The following COL9A1 variants were observed in gnomAD, a reference collection of about 807,000 sequenced individuals.
The protein encoded by COL9A1 is collagen alpha-1(IX) chain.
COL9A1 carries 104 observed loss-of-function variants against 142.6 expected under a neutral mutation model. The observed-to-expected ratio is 0.73, with a 90% CI of 0.62 to 0.86. COL9A1 has a LOEUF of 0.86. Among genes scored for constraint, COL9A1 ranks in the 40% least tolerant of loss-of-function variants. The pLI, the probability that COL9A1 is intolerant of heterozygous loss-of-function variation, is 0.00. For missense variants in COL9A1, 1,210 were observed against 1,176.6 expected (o/e 1.03, Z -0.42); for synonymous variants, 466 against 396.0 (o/e 1.18, Z -2.10).
chr6:70,282,754 G>T (rs1370770110), intron 7 of COL9A1, 144 bp downstream of exon 7: 5 of 1,246,826 alleles, frequency 4.0e-6, no homozygotes, highest in Non-Finnish European at 5.7e-6. Context: ...TAGGACTCGC[G>T]GCAGGTGCTC....
At chr6:70,225,882 C>T (rs755509700) in intron 37 of COL9A1, 50 bp downstream of exon 37, 2 of 1,369,438 alleles carry the variant, frequency 1.5e-6, no homozygotes, top group Admixed American at 1.7e-5. Context: ...AGGCTGTGTA[C>T]TTGCTACCAA....
chr6:70,278,777 C>T (rs1351241568), intron 10 of COL9A1, among the ~76,000 whole-genome samples: 7 of 152,160 alleles, frequency 4.6e-5, no homozygotes, highest in Non-Finnish European at 1.0e-4. Context: ...AAATTGCTTT[C>T]TATGTTGTAC....
At chr6:70,251,278 C>CTCATGT (rs1770923874) in intron 28 of COL9A1, among the ~76,000 whole-genome samples, 1 of 152,166 alleles carries the variant, frequency 6.6e-6, no homozygotes, top group African/African-American at 2.4e-5. Context: ...GGCATGGTAG[C>CTCATGT]TCATGTCTGT....
At chr6:70,298,158 G>A (rs1374517781) in intron 4 of COL9A1, among the ~76,000 whole-genome samples, 1 of 152,162 alleles carries the variant, frequency 6.6e-6, no homozygotes, top group Non-Finnish European at 1.5e-5. Context: ...ATCCTCTAAG[G>A]AGAAAAGACT....
chr6:70,234,959 C>T lies in COL9A1; in HGVS notation c.2113-19G>A, dbSNP rs187218937. 1.7e-4 allele frequency: 270 copies of T among 1,614,086 alleles called. No homozygotes were observed. The African/African-American group carries it at 2.7e-3, about 16-fold the overall frequency. The stretch of plus-strand genomic sequence containing the variant: ...TACCTGCCTGGAACACAATTGCACA[C>T]TATCAAACCAGGGCTAAGCATAAAG... On this transcript the variant is annotated intron_variant, in intron 33 of 37. Coordinates refer to ENST00000357250, the MANE Select transcript of COL9A1 (RefSeq NM_001851.6).
chr6:70,267,327 G>GGTTTTTTTTTT (rs757813161), intron 17 of COL9A1, among the ~76,000 whole-genome samples: 2,788 of 126,806 alleles, frequency 0.022, 175 homozygotes, highest in African/African-American at 0.077. Context: ...TGGTTTTTTT[G>GGTTTTTTTTTT]TTTTTTTTTT....
intron 17 of COL9A1, 30 bp from the exon 18 acceptor site, chr6:70,266,800 G>A: frequency 1.9e-6 from 3 of 1,587,900 alleles, no homozygotes; most frequent in Non-Finnish European, 1.7e-6. Flanking sequence ...TAATTGTCTT[G>A]AGTTTGGTAC....
At position 70,250,069 on chromosome 6, in the gene COL9A1, T is replaced by C. The variant is rs1448349527; in HGVS notation, c.1872+2051A>G. 2.0e-5 allele frequency among the ~76,000 whole-genome samples: 3 copies of C among 152,148 alleles called. No individual in the cohort carries two copies. In the East Asian group the frequency reaches 5.8e-4, roughly 29 times the overall value. On this transcript the variant is annotated intron_variant, in intron 28 of 37. Transcript: ENST00000357250. ...TGAGCTCAGGAGATTGAAACCAGCC[T>C]GGGCAACATGGCAAAACCCTGTCTC...
At chr6:70,232,882 CA>C (rs1277836532) in intron 35 of COL9A1, 111 bp from the exon 36 acceptor site, 12 of 1,072,754 alleles carry the variant, frequency 1.1e-5, no homozygotes, top group Non-Finnish European at 1.7e-5. Flanking sequence ...ACCAGATCTT[CA>C]AAATTGGTAG....
Position 70,302,010 on chromosome 6 carries a change from G to C in COL9A1, c.79C>G (p.Arg27Gly), listed in dbSNP as rs746534856. The change falls in exon 2 of 38, where the codon CGT becomes GGT. Residue 27 changes from arginine (R) to glycine (G), a missense_variant. Transcript: ENST00000357250. ...LEPWASAAVK[R>G]RPRFPVNSNS... ...AAACTATGGCCCTTACTGGGGCGACGCTTGACAGCTGCAGATGCCCAGGGT... is the reference window on the plus strand; with the variant it reads ...AAACTATGGCCCTTACTGGGGCGACCCTTGACAGCTGCAGATGCCCAGGGT... 1 of 1,610,520 alleles carries C rather than the reference G, an allele frequency of 6.2e-7. No individual in the cohort carries two copies. Among genetic ancestry groups the C allele is most frequent in the African/African-American group, 1.3e-5 (1 of 74,842 alleles).
intron 2 of COL9A1, among the ~76,000 whole-genome samples, chr6:70,300,975 G>C (rs531593184): frequency 3.8e-4 from 58 of 152,284 alleles, no homozygotes; most frequent in African/African-American, 1.3e-3. Flanking sequence ...ATAAAATATA[G>C]AGGATGGATT....
chr6:70,286,982 A>G (rs1773476625), intron 5 of COL9A1, among the ~76,000 whole-genome samples: 1 of 152,248 alleles, frequency 6.6e-6, no homozygotes, highest in Admixed American at 6.5e-5. Flanking sequence ...TGTCTACCAT[A>G]TAAGGCAGTA....
At chr6:70,241,922 CCCTT>C in intron 30 of COL9A1, 38 bp downstream of exon 30, 1 of 1,513,374 alleles carries the variant, frequency 6.6e-7, no homozygotes, top group Non-Finnish European at 9.0e-7. Context: ...GTAGAAATCA[CCCTT>C]CCAAATAAAG....
At chr6:70,271,276 T>C (rs979721901) in intron 14 of COL9A1, among the ~76,000 whole-genome samples, 2 of 152,214 alleles carry the variant, frequency 1.3e-5, no homozygotes, top group Non-Finnish European at 2.9e-5. Context: ...TTGGCTGAAT[T>C]ATAATTTAAT....
intron 33 of COL9A1, among the ~76,000 whole-genome samples, chr6:70,238,474 T>C (rs1227997113): frequency 6.6e-6 from 1 of 152,248 alleles, no homozygotes; most frequent in Non-Finnish European, 1.5e-5. Context: ...CTACTTCTAA[T>C]AATTTGCTAT....
At position 70,278,650 on chromosome 6, in the gene COL9A1, C is replaced by T. The variant is rs571670717; in HGVS notation, c.975+2162G>A. ...GACTAAATGTGCTCATCATTTTTTC[C>T]TTGAGGTCAAAGTTCAATAATTTAA... On this transcript the variant is annotated intron_variant, in intron 10 of 37. Transcript: ENST00000357250. Among the ~76,000 whole-genome samples the T allele has an allele frequency of 3.9e-5, 6 of 152,114 alleles. No homozygotes were observed. The East Asian group carries it at 5.8e-4, about 15-fold the overall frequency.
chr6:70,243,505 A>C (rs571304761), intron 28 of COL9A1, among the ~76,000 whole-genome samples: 37 of 152,222 alleles, frequency 2.4e-4, no homozygotes, highest in African/African-American at 8.7e-4. Flanking sequence ...AATTTTATGC[A>C]ATCTGACAAA....
At chr6:70,237,105 G>A (rs1042252086) in intron 33 of COL9A1, among the ~76,000 whole-genome samples, 5 of 152,190 alleles carry the variant, frequency 3.3e-5, no homozygotes, top group Admixed American at 6.5e-5. Flanking sequence ...TTACAGGCAT[G>A]AGCCACCTTG....
At position 70,266,775 on chromosome 6, in the gene COL9A1, C is replaced by A. The variant is rs755640997; in HGVS notation, c.1288-5G>T. On this transcript the variant is annotated splice_polypyrimidine_tract_variant and splice_region_variant and intron_variant, in intron 17 of 37. Transcript: ENST00000357250. ...TCCTTTAGCCCCTTTATGACCCTAA[C>A]AAATGCAAAATAAGTAATTGTCTTG... The A allele has an allele frequency of 1.2e-6, 2 of 1,612,516 alleles. No individual in the cohort carries two copies. The highest frequency in any genetic ancestry group is 2.2e-5 in the South Asian group (2 of 91,040).
Sources: gnomAD v4.1 joint callset for allele counts (sites outside exome capture counted in the v4.1 genomes callset) on GRCh38, gnomAD v4.1.1 for gene constraint, MANE v1.5 for transcripts, NCBI Gene and HGNC (gene_info 2026-07-23, HGNC 2026-07-21) for gene names.